HEY2: variants seen among roughly 807,000 people sequenced by gnomAD.
The protein encoded by HEY2 is hes related family bHLH transcription factor with YRPW motif 2.
A neutral mutation model predicts 18.1 loss-of-function variants in HEY2; 10 were observed. The ratio of observed to expected loss-of-function variants is 0.55; its 90% CI spans 0.34 to 0.94. The LOEUF (loss-of-function observed/expected upper bound fraction) is 0.94. Among genes scored for constraint, HEY2 ranks in the 40% least tolerant of loss-of-function variants. The probability of loss-of-function intolerance (pLI) is 0.02; values close to 1 mark genes in which losing one functional copy is unlikely to be tolerated. For missense variants in HEY2, 455 were observed against 455.9 expected (o/e 1.00, Z 0.02); for synonymous variants, 210 against 182.7 (o/e 1.15, Z -1.21).
chr6:125,750,365 G>C (rs1773519060), intron 1 of HEY2: 1 of 985,292 alleles, frequency 1.0e-6, no homozygotes, highest in African/African-American at 1.7e-5. Flanking sequence ...CTTGGCTAAC[G>C]CAAGAGTGAG....
At chr6:125,755,897 G>A (rs1341476517) in intron 4 of HEY2, among the ~76,000 whole-genome samples, 4 of 152,188 alleles carry the variant, frequency 2.6e-5, no homozygotes, top group African/African-American at 2.4e-5. Flanking sequence ...CAGCATGAGC[G>A]CCAAGGGCCC....
chr6:125,756,734 A>G (rs1773668600), intron 4 of HEY2, among the ~76,000 whole-genome samples: 1 of 152,234 alleles, frequency 6.6e-6, no homozygotes, highest in Non-Finnish European at 1.5e-5. Context: ...ACTTTGGGCA[A>G]ATTACCCCCT....
chr6:125,754,397 A>G (rs568295363), intron 3 of HEY2, 68 bp from the exon 4 acceptor site: 144 of 854,490 alleles, frequency 1.7e-4, no homozygotes, highest in Non-Finnish European at 2.4e-4. Flanking sequence ...TGCTAAATTC[A>G]GTGTATAATG....
At position 125,754,541 on chromosome 6, in the gene HEY2, G is replaced by T. The variant is rs1319799170; in HGVS notation, c.323G>T (p.Gly108Val). Residue 108 changes from glycine to valine, a missense_variant, in exon 4 of 5, where the codon GGT becomes GTT. By Grantham distance (109) the Gly-to-Val change is moderately radical. Transcript: ENST00000368364. ...DHLKMLQATG[G>V]KGYFDAHALA... is the part of the protein sequence containing the mutation. ...TTGAAGATGCTTCAGGCAACAGGGG[G>T]TAAAGGTAAGTAGATGACTTCATTT... The T allele has an allele frequency of 1.9e-6, 3 of 1,567,208 alleles. No homozygotes were observed. The highest frequency in any genetic ancestry group is 2.6e-6 in the Non-Finnish European group (3 of 1,152,698).
intron 1 of HEY2, chr6:125,750,271 T>G: frequency 1.0e-6 from 1 of 985,300 alleles, no homozygotes; most frequent in Non-Finnish European, 1.2e-6. Context: ...GATACCAAAA[T>G]CACAACTTGA....
chr6:125,751,696 CTT>C, intron 1 of HEY2, 103 bp from the exon 2 acceptor site: 1 of 749,920 alleles, frequency 1.3e-6, no homozygotes, highest in Non-Finnish European at 2.3e-6. Context: ...ATAACACAGA[CTT>C]GAACTGTGCA....
chr6:125,753,522 CAAGT>C (rs1773593044), intron 3 of HEY2, among the ~76,000 whole-genome samples: 1 of 151,316 alleles, frequency 6.6e-6, no homozygotes, highest in Non-Finnish European at 1.5e-5. Context: ...TTTTACAAAA[CAAGT>C]AAAGCATAGG....
In HEY2 at chr6:125,749,632, G is replaced by C; in HGVS notation, c.-145G>C. 1 of 474,290 alleles carries C rather than the reference G, an allele frequency of 2.1e-6. No homozygotes were observed. The highest frequency in any genetic ancestry group is 3.6e-6 in the Non-Finnish European group (1 of 280,540). 29.4% of individuals were successfully genotyped at this position (474,290 alleles called of 1,614,324 possible). ...GCGGCCGAGCAGAGTTGCGGCGTGG[G>C]AAAGAGCCGCTAGGAGCAGACCGCG... is the stretch of plus-strand genomic sequence containing the variant. On this transcript the variant is annotated 5_prime_UTR_variant, in exon 1 of 5. Coordinates refer to ENST00000368364, the MANE Select transcript of HEY2 (RefSeq NM_012259.3).
Position 125,759,341 on chromosome 6 carries a change from T to C in HEY2, c.553T>C (p.Trp185Arg). Residue 185 changes from tryptophan (W) to arginine (R), a missense_variant, in exon 5 of 5, where the codon TGG becomes CGG. By Grantham distance (101) the Trp-to-Arg change is moderately radical. Coordinates refer to ENST00000368364, the MANE Select transcript of HEY2 (RefSeq NM_012259.3). ...CCATCATCCGCTCCACCCGCATCAC[T>C]GGGCCGCCGCCTTCCACCACCTGCC... Reference protein sequence around the residue: ...HHHHPLHPHHWAAAFHHLPAA... With the variant: ...HHHHPLHPHHRAAAFHHLPAA... 1 of 1,604,130 alleles carries C rather than the reference T, an allele frequency of 6.2e-7. No individual in the cohort carries two copies. Among genetic ancestry groups the C allele is most frequent in the Non-Finnish European group, 8.5e-7 (1 of 1,177,288 alleles).
intron 3 of HEY2, among the ~76,000 whole-genome samples, chr6:125,753,576 A>G (rs1398627784): frequency 2.6e-5 from 4 of 152,198 alleles, no homozygotes; most frequent in Admixed American, 2.6e-4. Context: ...AAAGAAAAAA[A>G]AAGAGAACAT....
chr6:125,752,143 A>G, intron 3 of HEY2, 53 bp downstream of exon 3: 1 of 1,049,330 alleles, frequency 9.5e-7, no homozygotes, highest in Non-Finnish European at 1.4e-6. Flanking sequence ...CCCCCCAAAA[A>G]AAAGCTCAAA....
chr6:125,757,754 G>A (rs1396804026), intron 4 of HEY2, among the ~76,000 whole-genome samples: 2 of 152,244 alleles, frequency 1.3e-5, no homozygotes, highest in East Asian at 3.8e-4. Flanking sequence ...GTCTAGACCA[G>A]TCTGAGCAAC....
At chr6:125,758,773 A>G (rs1313302963) in intron 4 of HEY2, among the ~76,000 whole-genome samples, 1 of 152,174 alleles carries the variant, frequency 6.6e-6, no homozygotes, top group Admixed American at 6.5e-5. Context: ...CTATCCCACA[A>G]TACAAAGGGA....
At chr6:125,750,170 A>G in intron 1 of HEY2, 1 of 837,350 alleles carries the variant, frequency 1.2e-6, no homozygotes, top group Non-Finnish European at 1.4e-6. Context: ...TCTGGGCGAC[A>G]GGCGATGTCC....
At chr6:125,756,665 G>A (rs1773666685) in intron 4 of HEY2, among the ~76,000 whole-genome samples, 1 of 152,234 alleles carries the variant, frequency 6.6e-6, no homozygotes, top group African/African-American at 2.4e-5. Context: ...GAAGGGCATC[G>A]TATCTGTAGC....
Position 125,754,537 on chromosome 6 carries a change from G to C in HEY2, c.319G>C (p.Gly107Arg). 1 of 1,585,346 alleles carries C rather than the reference G, an allele frequency of 6.3e-7. No homozygotes were observed. Residue 107 changes from glycine to arginine, a missense_variant, in exon 4 of 5, where the codon GGG becomes CGG. Coordinates refer to ENST00000368364, the MANE Select transcript of HEY2 (RefSeq NM_012259.3). ...TCATTTGAAGATGCTTCAGGCAACA[G>C]GGGGTAAAGGTAAGTAGATGACTTC... ...VDHLKMLQATGGKGYFDAHAL... is the reference protein window; with the variant it reads ...VDHLKMLQATRGKGYFDAHAL...
intron 1 of HEY2, among the ~76,000 whole-genome samples, chr6:125,751,025 TTTGA>T (rs1312306928): frequency 3.3e-5 from 5 of 152,252 alleles, no homozygotes; most frequent in African/African-American, 1.2e-4. Flanking sequence ...CAAATAATAC[TTTGA>T]TTGAACCTTC....
chr6:125,756,394 C>G (rs1434838985), intron 4 of HEY2, among the ~76,000 whole-genome samples: 1 of 152,026 alleles, frequency 6.6e-6, no homozygotes, highest in Non-Finnish European at 1.5e-5. Flanking sequence ...ATGGAGAAAT[C>G]CCGTTTCTAC....
chr6:125,750,011 C>T (rs1023913630), intron 1 of HEY2, 152 bp downstream of exon 1: 10 of 766,974 alleles, frequency 1.3e-5, no homozygotes, highest in South Asian at 6.6e-5. Context: ...GGTGGGCGCT[C>T]GCAGAGCGTG....
Sources: gnomAD v4.1 joint callset for allele counts (sites outside exome capture counted in the v4.1 genomes callset) on GRCh38, gnomAD v4.1.1 for gene constraint, MANE v1.5 for transcripts, NCBI Gene and HGNC (gene_info 2026-07-23, HGNC 2026-07-21) for gene names.